Variants in VPS13D observed in about 807,000 individuals in gnomAD.
VPS13D encodes the protein vacuolar protein sorting 13 homolog D.
Under a neutral mutation model 461.9 loss-of-function variants are expected in VPS13D, and 187 were observed. That is an observed-to-expected ratio of 0.40 (90% CI 0.36 to 0.46). The LOEUF is 0.46. Ranked by LOEUF, VPS13D falls within the 20% of genes least tolerant of loss-of-function variation. The probability of loss-of-function intolerance (pLI) is 0.60; values close to 1 mark genes in which losing one functional copy is unlikely to be tolerated. For missense variants in VPS13D, 4,711 were observed against 5,364.9 expected (o/e 0.88, Z 3.81); for synonymous variants, 1,951 against 1,986.3 (o/e 0.98, Z 0.47).
Position 12,299,321 on chromosome 1 carries a change from G to T in VPS13D, c.6153G>T (p.Lys2051Asn), listed in dbSNP as rs776033226. The change falls in exon 25 of 70, where the codon AAG becomes AAT. Residue 2051 changes from lysine to asparagine, a missense_variant. This residue lies in a region of VPS13D where 4,411 missense variants were observed against 4,937.8 expected (regional missense o/e 0.89). Transcript: ENST00000620676. The surrounding 1 kb of genome is among the most constrained non-coding windows in gnomAD (Gnocchi z 4.2). ...SNNLIVANLG[K>N]LKVKNKFLFA... ...ATCTGATTGTAGCAAATTTGGGGAA[G>T]TTGAAAGTCAAAAATAAGTTTCTGT... 1 of 1,613,922 alleles carries T rather than the reference G, an allele frequency of 6.2e-7. No individual in the cohort carries two copies. The highest frequency in any genetic ancestry group is 8.5e-7 in the Non-Finnish European group (1 of 1,179,986).
intron 31 of VPS13D, among the ~76,000 whole-genome samples, 169 bp from the exon 32 acceptor site, chr1:12,319,328 G>A (rs1371061186): frequency 1.3e-5 from 2 of 152,232 alleles, no homozygotes; most frequent in Admixed American, 6.5e-5. Context: ...CAGATGCAGA[G>A]TATTGGTTCA....
At chr1:12,322,510 T>C (rs1165222011) in intron 33 of VPS13D, 26 bp from the exon 34 acceptor site, 1 of 1,608,474 alleles carries the variant, frequency 6.2e-7, no homozygotes. Context: ...CTTTAAAAAA[T>C]TGCTACCTTT....
chr1:12,312,738 G>A (rs1331565651), intron 29 of VPS13D, among the ~76,000 whole-genome samples: 1 of 152,174 alleles, frequency 6.6e-6, no homozygotes, highest in Non-Finnish European at 1.5e-5. Flanking sequence ...CAGCCTAGGT[G>A]ACAGCTGAAA....
intron 2 of VPS13D, 91 bp from the exon 3 acceptor site, chr1:12,242,422 A>T: frequency 8.5e-7 from 1 of 1,177,156 alleles, no homozygotes. Flanking sequence ...TATATGTAAA[A>T]CTTTCCCTTT....
At chr1:12,298,114 G>A (rs943471180) in intron 24 of VPS13D, among the ~76,000 whole-genome samples, 3 of 152,156 alleles carry the variant, frequency 2.0e-5, no homozygotes, top group Admixed American at 6.5e-5. Flanking sequence ...GTTTCTGGGT[G>A]TATTGTCTCA....
In VPS13D at chr1:12,386,236, C is replaced by G; in HGVS notation, c.11536C>G (p.Pro3846Ala). ...GIGLSLINKVPEELVFASLTG... is the reference protein window; with the variant it reads ...GIGLSLINKVAEELVFASLTG... ...TGGGTTGTCCTTAATTAATAAAGTCCCAGAAGAACTGGTCTTTGCAAGTCT... is the reference window on the plus strand; with the variant it reads ...TGGGTTGTCCTTAATTAATAAAGTCGCAGAAGAACTGGTCTTTGCAAGTCT... Residue 3846 changes from proline (P) to alanine (A), a missense_variant, in exon 60 of 70, where the codon CCA becomes GCA. Physicochemically the swap from Pro to Ala is conservative, Grantham distance 27. Coordinates refer to ENST00000620676, the MANE Select transcript of VPS13D (RefSeq NM_015378.4). 1 of 1,613,162 alleles carries G rather than the reference C, an allele frequency of 6.2e-7. No individual in the cohort carries two copies. Among genetic ancestry groups the G allele is most frequent in the Non-Finnish European group, 8.5e-7 (1 of 1,179,642 alleles).
chr1:12,461,520 C>T (rs1162469773), intron 67 of VPS13D, among the ~76,000 whole-genome samples: 3 of 152,144 alleles, frequency 2.0e-5, no homozygotes, highest in Admixed American at 2.0e-4. Flanking sequence ...AAAACTAAAA[C>T]AATCCTTGAG....
Position 12,283,344 on chromosome 1 carries a change from A to C in VPS13D, c.5242A>C (p.Lys1748Gln). 1 of 1,614,164 alleles carries C rather than the reference A, an allele frequency of 6.2e-7. No individual in the cohort carries two copies. Among genetic ancestry groups the C allele is most frequent in the Non-Finnish European group, 8.5e-7 (1 of 1,180,030 alleles). ...TCAAAGGCCCACCTCTGCGTCCCGG[A>C]AAAAGCAAAAGGAAGTCCAAGACAA... Reference protein sequence around the residue: ...LYQRPTSASRKKQKEVQDKDY... With the variant: ...LYQRPTSASRQKQKEVQDKDY... The change falls in exon 21 of 70, where the codon AAA (lysine) becomes CAA (glutamine). Residue 1748 changes from lysine to glutamine, a missense_variant. Around this residue, in one of 3 missense-constraint regions of VPS13D, gnomAD observed 4,411 missense variants for 4,937.8 expected, o/e 0.89. Coordinates refer to ENST00000620676, the MANE Select transcript of VPS13D (RefSeq NM_015378.4).
intron 26 of VPS13D, among the ~76,000 whole-genome samples, chr1:12,306,387 T>G (rs1007561311): frequency 6.6e-6 from 1 of 152,326 alleles, no homozygotes; most frequent in East Asian, 1.9e-4. Context: ...CCAGTCTGTC[T>G]GCATGCACAT....
At chr1:12,413,043 A>C (rs920455066) in intron 63 of VPS13D, among the ~76,000 whole-genome samples, 2 of 152,220 alleles carry the variant, frequency 1.3e-5, no homozygotes, top group Admixed American at 1.3e-4. Context: ...ATGCATTTAA[A>C]AGTTGCTTAA....
intron 37 of VPS13D, among the ~76,000 whole-genome samples, chr1:12,331,140 T>C (rs1442810695): frequency 6.6e-6 from 1 of 152,136 alleles, no homozygotes; most frequent in Non-Finnish European, 1.5e-5. Context: ...AGCCATAATA[T>C]ATTAGGGCCA....
At chr1:12,248,110 A>G (rs1640618766) in intron 5 of VPS13D, among the ~76,000 whole-genome samples, 1 of 151,966 alleles carries the variant, frequency 6.6e-6, no homozygotes, top group Non-Finnish European at 1.5e-5. Context: ...TCTGGTCTCT[A>G]ACTCCTGACC....
At chr1:12,404,984 GCCT>G (rs1429793708) in intron 63 of VPS13D, among the ~76,000 whole-genome samples, 1 of 152,154 alleles carries the variant, frequency 6.6e-6, no homozygotes, top group Non-Finnish European at 1.5e-5. Context: ...GCCCCATGCT[GCCT>G]CCTCTAAGAT....
In VPS13D at chr1:12,499,137, TAG is replaced by T. The variant is rs1257455310; in HGVS notation, c.12794+1510_12794+1511del. On this transcript the variant is annotated intron_variant, in intron 68 of 69. Coordinates refer to ENST00000620676, the MANE Select transcript of VPS13D (RefSeq NM_015378.4). ...ACTTTTAGCCTTTGGATGGGGGGTC[TAG>T]AGACCCCCCATCCAAATTTCTCAGG... 4.6e-5 allele frequency among the ~76,000 whole-genome samples: 7 copies of T among 152,034 alleles called. No individual in the cohort carries two copies. The South Asian group carries it at 1.0e-3, about 23-fold the overall frequency.
At chr1:12,426,210 T>C (rs145257243) in intron 65 of VPS13D, among the ~76,000 whole-genome samples, 2 of 152,334 alleles carry the variant, frequency 1.3e-5, no homozygotes, top group African/African-American at 4.8e-5. Context: ...CCAAGATTTA[T>C]TCAAATTTAA....
At chr1:12,312,499 TGTA>T (rs1569877583) in intron 29 of VPS13D, among the ~76,000 whole-genome samples, 1 of 152,198 alleles carries the variant, frequency 6.6e-6, no homozygotes, top group Admixed American at 6.5e-5. Context: ...GGCTCAGGCC[TGTA>T]GTCCCAGCAC....
intron 2 of VPS13D, among the ~76,000 whole-genome samples, chr1:12,236,406 G>A (rs1019130555): frequency 6.6e-6 from 1 of 151,778 alleles, no homozygotes; most frequent in African/African-American, 2.4e-5. Context: ...TTTGAGACAG[G>A]GTTTCTTTCT....
intron 18 of VPS13D, among the ~76,000 whole-genome samples, chr1:12,273,945 G>A (rs1304328169): frequency 6.6e-6 from 1 of 151,974 alleles, no homozygotes; most frequent in African/African-American, 2.4e-5. Flanking sequence ...TTTCTGCAAT[G>A]TAGACATATA....
chr1:12,403,098 A>G (rs1396266936), intron 62 of VPS13D, among the ~76,000 whole-genome samples: 1 of 152,224 alleles, frequency 6.6e-6, no homozygotes, highest in Non-Finnish European at 1.5e-5. Context: ...AATGTGTTTG[A>G]TAAGTAGGTA....
Sources: gnomAD v4.1 joint callset for allele counts (sites outside exome capture counted in the v4.1 genomes callset) on GRCh38, gnomAD v4.1.1 for gene constraint, gnomAD v4.1.1 regional missense constraint, Gnocchi (gnomAD v3.1) non-coding constraint, MANE v1.5 for transcripts, NCBI Gene and HGNC (gene_info 2026-07-23, HGNC 2026-07-21) for gene names.